UBR4: variants seen among roughly 807,000 people sequenced by gnomAD.
UBR4 encodes the protein E3 ubiquitin-protein ligase UBR4.
In UBR4, 124 loss-of-function variants were observed where a neutral mutation model predicts 575.6. That is an observed-to-expected ratio of 0.22 (90% CI 0.19 to 0.25). The LOEUF (loss-of-function observed/expected upper bound fraction) is 0.25, where lower values mean the gene tolerates loss of function less well. Ranked by LOEUF, UBR4 falls within the 10% of genes least tolerant of loss-of-function variation. The probability of loss-of-function intolerance (pLI) is 1.00; values close to 1 mark genes in which losing one functional copy is unlikely to be tolerated. For missense variants in UBR4, 4,818 were observed against 6,478.8 expected (o/e 0.74, Z 8.80); for synonymous variants, 2,455 against 2,473.7 (o/e 0.99, Z 0.22).
chr1:19,160,918 T>C lies in UBR4; in HGVS notation c.5405A>G (p.Gln1802Arg). 6.2e-7 allele frequency: 1 copy of C among 1,614,128 alleles called. No individual in the cohort carries two copies. The highest frequency in any genetic ancestry group is 8.5e-7 in the Non-Finnish European group (1 of 1,179,996). Residue 1802 changes from glutamine (Q) to arginine (R), a missense_variant and splice_region_variant, in exon 38 of 106, where the codon CAG (glutamine) becomes CGG (arginine). Physicochemically the swap from Gln to Arg is conservative, Grantham distance 43. Coordinates refer to ENST00000375254, the MANE Select transcript of UBR4 (RefSeq NM_020765.3). ...VEGCREELQNQANFSFAPLVL... is the reference protein window; with the variant it reads ...VEGCREELQNRANFSFAPLVL... ...CTAGGGAGCATCAGTCAGCCCCACC[T>C]GGTTCTGTAATTCCTCCCGGCAGCC...
At position 19,204,590 on chromosome 1, in the gene UBR4, A is replaced by G. The variant is rs544001747; in HGVS notation, c.177-2775T>C. 3.3e-5 allele frequency among the ~76,000 whole-genome samples: 5 copies of G among 152,090 alleles called. No individual in the cohort carries two copies. The South Asian group carries it at 1.0e-3, about 32-fold the overall frequency. ...TAATTGCCTGGTTCAGTGTCATCCT[A>G]TTGTGATCTAATGAACCCAACTTCC... On this transcript the variant is annotated intron_variant, in intron 1 of 105. Transcript: ENST00000375254.
At chr1:19,137,859 T>C in intron 60 of UBR4, 148 bp downstream of exon 60, 1 of 872,066 alleles carries the variant, frequency 1.1e-6, no homozygotes, top group Non-Finnish European at 1.6e-6. Context: ...TTCCTAAGAC[T>C]TTAAACTGTT....
At position 19,155,677 on chromosome 1, in the gene UBR4, T is replaced by A. The variant is rs756399237; in HGVS notation, c.6073-9A>T. The stretch of plus-strand genomic sequence containing the variant: ...ACACACAGGTCATAAATCTGCAGGA[T>A]GGAAGAAAAATTAAATAAGGGAAAT... On this transcript the variant is annotated splice_polypyrimidine_tract_variant and intron_variant, in intron 42 of 105. Transcript: ENST00000375254. 2 of 1,609,150 alleles carry A rather than the reference T, an allele frequency of 1.2e-6. No homozygotes were observed. Among genetic ancestry groups the A allele is most frequent in the South Asian group, 1.1e-5 (1 of 90,980 alleles).
At position 19,199,706 on chromosome 1, in the gene UBR4, A is replaced by G. The variant is rs779059022; in HGVS notation, c.323T>C (p.Ile108Thr). The change falls in exon 3 of 106, where the codon ATT (isoleucine) becomes ACT (threonine). Residue 108 changes from isoleucine to threonine, a missense_variant. Physicochemically the swap from Ile to Thr is moderately conservative, Grantham distance 89 (BLOSUM62 -1). Coordinates refer to ENST00000375254, the MANE Select transcript of UBR4 (RefSeq NM_020765.3). ...QSVAAACKVL[I>T]EFSLLRLENP... ...CTCCAGACGCAGGAGAGAAAACTCAATTAGAACTTTACAGGCTGCTGCCAC... is the reference window on the plus strand; with the variant it reads ...CTCCAGACGCAGGAGAGAAAACTCAGTTAGAACTTTACAGGCTGCTGCCAC... 2 of 1,614,166 alleles carry G rather than the reference A, an allele frequency of 1.2e-6. No individual in the cohort carries two copies. Among genetic ancestry groups the G allele is most frequent in the Admixed American group, 1.7e-5 (1 of 60,026 alleles).
In UBR4 at chr1:19,112,834, A is replaced by G; in HGVS notation, c.11491T>C (p.Tyr3831His). The stretch of plus-strand genomic sequence containing the variant: ...GCTGCTTCCCTCTGCTGTAGGTCAT[A>G]TTCCAACAACTCTTTGCGCGAAGCA... ...VFASRKELLEYDLQQREAATK... is the reference protein window; with the variant it reads ...VFASRKELLEHDLQQREAATK... The change falls in exon 78 of 106, where the codon TAT (tyrosine) becomes CAT (histidine). Residue 3831 changes from tyrosine (Y) to histidine (H), a missense_variant. Transcript: ENST00000375254. 1 of 1,607,670 alleles carries G rather than the reference A, an allele frequency of 6.2e-7. No individual in the cohort carries two copies.
intron 18 of UBR4, among the ~76,000 whole-genome samples, 170 bp from the exon 19 acceptor site, chr1:19,177,913 T>TA (rs1329389632): frequency 3.9e-5 from 6 of 152,048 alleles, no homozygotes; most frequent in Non-Finnish European, 8.8e-5. Flanking sequence ...AAATTTTGGC[T>TA]AAAAAAAGTC....
chr1:19,167,090 C>G lies in UBR4; in HGVS notation c.4041G>C (p.Leu1347Phe). The G allele has an allele frequency of 6.2e-7, 1 of 1,614,150 alleles. No homozygotes were observed. The highest frequency in any genetic ancestry group is 2.2e-5 in the East Asian group (1 of 44,880). ...ILGPAESDEF[L>F]ARVYEKLITG... ...TGATCAGCTTCTCATAAACACGAGC[C>G]AAGAACTCATCAGACTCAGCAGGGC... Residue 1347 changes from leucine to phenylalanine, a missense_variant, in exon 29 of 106, where the codon TTG becomes TTC. Around this residue, in one of 29 missense-constraint regions of UBR4, gnomAD observed 1,172 missense variants for 1,259.7 expected, o/e 0.93. Transcript: ENST00000375254.
chr1:19,190,312 A>AAAAAAAAATATATATATATATAT, intron 11 of UBR4, among the ~76,000 whole-genome samples: 8 of 79,902 alleles, frequency 1.0e-4, no homozygotes, highest in East Asian at 5.8e-4. Context: ...AAAAAAAAAA[A>AAAAAAAAATATATATATATATAT]ATATATATAT....
At chr1:19,170,914 A>T (rs760632557) in intron 25 of UBR4, 31 bp from the exon 26 acceptor site, 3 of 1,614,034 alleles carry the variant, frequency 1.9e-6, no homozygotes, top group Middle Eastern at 1.7e-4. Flanking sequence ...AAGTGAAGCC[A>T]TAAGATTCTA....
chr1:19,119,730 A>AAGC (rs1168143525), intron 69 of UBR4, 29 bp from the exon 70 acceptor site: 8 of 1,587,154 alleles, frequency 5.0e-6, no homozygotes, highest in Non-Finnish European at 6.9e-6. Flanking sequence ...TCATGTTACC[A>AAGC]AGCAGCAGAA....
chr1:19,146,435 G>C (rs187214606), intron 52 of UBR4, among the ~76,000 whole-genome samples: 2 of 152,312 alleles, frequency 1.3e-5, no homozygotes, highest in East Asian at 3.9e-4. Context: ...CACTGAGAAA[G>C]TTGCTACACA....
intron 102 of UBR4, 74 bp from the exon 103 acceptor site, chr1:19,081,647 GC>G: frequency 6.5e-7 from 1 of 1,533,266 alleles, no homozygotes; most frequent in South Asian, 1.1e-5. Context: ...GGAAGAATTT[GC>G]TCAATTTGTC....
chr1:19,139,111 T>C lies in UBR4; in HGVS notation c.8703A>G (p.Ala2901=), dbSNP rs550551818. ...TGTGCTCGCCAGCCACTGAGTCCAC[T>C]GCACTGCCCCCGCTCTCCGAGCCCA... ...GSVGSESGGS[A]VDSVAGEHSV... is the part of the protein sequence containing the mutation. Residue 2901 remains alanine (A), a synonymous_variant, in exon 59 of 106, where the codon GCA becomes GCG. Transcript: ENST00000375254. The surrounding 1 kb of genome is among the most constrained non-coding windows in gnomAD (Gnocchi z 4.2). 4.9e-5 allele frequency: 79 copies of C among 1,613,690 alleles called. 1 individual carries two copies. The Middle Eastern group carries it at 9.9e-4, about 20-fold the overall frequency.
At chr1:19,127,582 G>T in intron 63 of UBR4, 41 bp downstream of exon 63, 2 of 1,533,842 alleles carry the variant, frequency 1.3e-6, no homozygotes, top group Non-Finnish European at 1.8e-6. Flanking sequence ...CAGACAATCC[G>T]CTTACCTTTC....
In UBR4 at chr1:19,167,028, G is replaced by A; in HGVS notation, c.4103C>T (p.Pro1368Leu). The A allele has an allele frequency of 6.2e-7, 1 of 1,614,228 alleles. No individual in the cohort carries two copies. The highest frequency in any genetic ancestry group is 8.5e-7 in the Non-Finnish European group (1 of 1,180,042). ...TGTTCTCCATCAGGCTCACCTGTTA[G>A]GATCTGCATGATTGGCCAGAATGTT... ...CYNILANHAD[P>L]NSGLDESILE... Residue 1368 changes from proline (P) to leucine (L), a missense_variant, in exon 29 of 106, where the codon CCT becomes CTT. Around this residue, in one of 29 missense-constraint regions of UBR4, gnomAD observed 1,172 missense variants for 1,259.7 expected, o/e 0.93. Coordinates refer to ENST00000375254, the MANE Select transcript of UBR4 (RefSeq NM_020765.3).
intron 11 of UBR4, 45 bp downstream of exon 11, chr1:19,192,143 A>G (rs763973549): frequency 1.3e-6 from 2 of 1,580,344 alleles, no homozygotes; most frequent in Admixed American, 1.9e-5. Context: ...ATAAAATGTT[A>G]GCGAAATAAA....
At chr1:19,143,231 G>A (rs1571043017) in intron 55 of UBR4, among the ~76,000 whole-genome samples, 1 of 102,502 alleles carries the variant, frequency 9.8e-6, no homozygotes, top group Admixed American at 1.1e-4. Context: ...AGGAAGGAAG[G>A]AAGGCAGGAA....
chr1:19,165,808 G>C, intron 29 of UBR4, 51 bp from the exon 30 acceptor site: 1 of 1,449,266 alleles, frequency 6.9e-7, no homozygotes. Context: ...CTGTTTCAAT[G>C]TCCTCCTTAT....
rs1354887528 is a variant in UBR4 at position 19,099,653 on chromosome 1, T to A, written c.13246A>T (p.Ser4416Cys). 3 of 1,614,080 alleles carry A rather than the reference T, an allele frequency of 1.9e-6. No individual in the cohort carries two copies. Among genetic ancestry groups the A allele is most frequent in the Non-Finnish European group, 2.5e-6 (3 of 1,179,958 alleles). ...MELLVNNKII[S>C]LDLPVAEVYK... The stretch of plus-strand genomic sequence containing the variant: ...ACTTCAGCCACAGGAAGGTCCAAAC[T>A]AATGATTTTATTGTTCACTAGAAGC... Residue 4416 changes from serine (S) to cysteine (C), a missense_variant, in exon 90 of 106, where the codon AGT (serine) becomes TGT (cysteine). By Grantham distance (112) the Ser-to-Cys change is moderately radical. Transcript: ENST00000375254.
Sources: gnomAD v4.1 joint callset for allele counts (sites outside exome capture counted in the v4.1 genomes callset) on GRCh38, gnomAD v4.1.1 for gene constraint, gnomAD v4.1.1 regional missense constraint, Gnocchi (gnomAD v3.1) non-coding constraint, MANE v1.5 for transcripts, NCBI Gene and HGNC (gene_info 2026-07-23, HGNC 2026-07-21) for gene names.